Variants in FSTL4 observed in about 807,000 individuals in gnomAD.
FSTL4 encodes follistatin-related protein 4.
FSTL4 carries 28 observed loss-of-function variants against 78.2 expected under a neutral mutation model. That is an observed-to-expected ratio of 0.36 (90% confidence interval 0.27 to 0.49). The LOEUF is 0.49. FSTL4 is among the 20% of genes least tolerant of loss of function. The pLI, the probability that FSTL4 is intolerant of heterozygous loss-of-function variation, is 0.98. For synonymous variants in FSTL4, 422 were observed against 440.5 expected, an observed-to-expected ratio of 0.96 and a Z score of 0.53; for missense variants, 922 against 1,084.9, an observed-to-expected ratio of 0.85 and a Z score of 2.11.
intron 3 of FSTL4, among the ~76,000 whole-genome samples, chr5:133,405,060 G>A (rs1332367165): frequency 6.6e-6 from 1 of 152,182 alleles, no homozygotes; most frequent in Non-Finnish European, 1.5e-5. Context: ...TCTCCAGCTT[G>A]ACTATTGATG....
chr5:133,651,493 A>G, the FSTL4 span, among the ~76,000 whole-genome samples: 1 of 152,128 alleles, frequency 6.6e-6, no homozygotes, highest in South Asian at 2.1e-4. Flanking sequence ...ATCTACTGAT[A>G]TGATCATGTG....
intron 3 of FSTL4, among the ~76,000 whole-genome samples, chr5:133,447,505 G>C (rs966887020): frequency 6.6e-6 from 1 of 152,096 alleles, no homozygotes; most frequent in African/African-American, 2.4e-5. Flanking sequence ...CGAAACACAT[G>C]ATAAGCAACC....
At chr5:133,679,494 G>A in the FSTL4 span, among the ~76,000 whole-genome samples, 2 of 152,046 alleles carry the variant, frequency 1.3e-5, no homozygotes, top group Admixed American at 1.3e-4. Context: ...CCATTTCCTA[G>A]GAACCTGGGT....
At chr5:133,729,834 G>C in the FSTL4 span, among the ~76,000 whole-genome samples, 1 of 152,070 alleles carries the variant, frequency 6.6e-6, no homozygotes, top group Non-Finnish European at 1.5e-5. Flanking sequence ...CTGAGGAGAA[G>C]ATGCCAGGTT....
chr5:133,375,210 G>T (rs933839940), intron 4 of FSTL4, among the ~76,000 whole-genome samples: 8 of 143,852 alleles, frequency 5.6e-5, no homozygotes, highest in Non-Finnish European at 1.2e-4. Flanking sequence ...AGAAAACAAT[G>T]GTTTGACTTA....
intron 6 of FSTL4, among the ~76,000 whole-genome samples, chr5:133,285,089 C>T (rs1420175268): frequency 6.6e-6 from 1 of 152,216 alleles, no homozygotes; most frequent in East Asian, 1.9e-4. Context: ...CAAAACATGG[C>T]ATTGAGTCAA....
chr5:133,712,851 G>A, the FSTL4 span, among the ~76,000 whole-genome samples: 1 of 152,178 alleles, frequency 6.6e-6, no homozygotes, highest in Non-Finnish European at 1.5e-5. Flanking sequence ...GAGAGTGAAT[G>A]GCCGCCCAGC....
chr5:133,481,721 T>A (rs1208864579), intron 3 of FSTL4, among the ~76,000 whole-genome samples: 1 of 152,158 alleles, frequency 6.6e-6, no homozygotes, highest in Non-Finnish European at 1.5e-5. Context: ...AAGTCAGACA[T>A]AGACCCTACC....
the FSTL4 span, among the ~76,000 whole-genome samples, chr5:133,780,325 C>T: frequency 6.6e-6 from 1 of 152,158 alleles, no homozygotes; most frequent in South Asian, 2.1e-4. Flanking sequence ...CATCTCCTTG[C>T]ATGACTCATT....
At chr5:133,268,978 G>A (rs1335862582) in intron 6 of FSTL4, among the ~76,000 whole-genome samples, 1 of 151,906 alleles carries the variant, frequency 6.6e-6, no homozygotes, top group African/African-American at 2.4e-5. Flanking sequence ...TCAGGAGATC[G>A]AGACCATCCT....
At chr5:133,601,777 A>G (rs1223313710) in intron 2 of FSTL4, among the ~76,000 whole-genome samples, 1 of 149,000 alleles carries the variant, frequency 6.7e-6, no homozygotes, top group African/African-American at 2.5e-5. Context: ...TGACTTCCCC[A>G]GGCTCAGGTG....
At chr5:133,211,796 A>T (rs970125771) in intron 13 of FSTL4, among the ~76,000 whole-genome samples, 5 of 152,090 alleles carry the variant, frequency 3.3e-5, no homozygotes, top group South Asian at 2.1e-4. Flanking sequence ...CTGGAATGCC[A>T]TGGCTTCTAA....
the FSTL4 span, among the ~76,000 whole-genome samples, chr5:133,756,922 T>G: frequency 2.0e-5 from 3 of 152,148 alleles, no homozygotes; most frequent in African/African-American, 4.8e-5. Context: ...GAATCTACCA[T>G]GTACACAGGA....
intron 4 of FSTL4, among the ~76,000 whole-genome samples, chr5:133,364,185 C>G (rs1251782924): frequency 6.6e-6 from 1 of 152,200 alleles, no homozygotes; most frequent in Non-Finnish European, 1.5e-5. Context: ...GTTTCCAACA[C>G]TGCTCAGCAA....
chr5:133,545,502 A>G (rs868157927), intron 3 of FSTL4, among the ~76,000 whole-genome samples: 1 of 152,328 alleles, frequency 6.6e-6, no homozygotes, highest in Middle Eastern at 3.4e-3. Flanking sequence ...AGTCACCCAG[A>G]TGTGGCTGCC....
chr5:133,668,602 A>C, the FSTL4 span, among the ~76,000 whole-genome samples: 1 of 152,218 alleles, frequency 6.6e-6, no homozygotes, highest in Non-Finnish European at 1.5e-5. Flanking sequence ...GCCTTGTGCT[A>C]GACCTTCTGA....
At chr5:133,269,106 CG>C (rs1752705557) in intron 6 of FSTL4, among the ~76,000 whole-genome samples, 1 of 145,656 alleles carries the variant, frequency 6.9e-6, no homozygotes, top group Admixed American at 7.1e-5. Context: ...GGCGTGAACC[CG>C]GGAGGCGGAG....
intron 3 of FSTL4, among the ~76,000 whole-genome samples, chr5:133,564,448 G>T (rs1262584154): frequency 6.6e-6 from 1 of 152,164 alleles, no homozygotes; most frequent in Non-Finnish European, 1.5e-5. Flanking sequence ...ACTGGGAAGG[G>T]CCAGAATGAA....
At chr5:133,497,359 A>T (rs1347701165) in intron 3 of FSTL4, among the ~76,000 whole-genome samples, 1 of 152,230 alleles carries the variant, frequency 6.6e-6, no homozygotes, top group Non-Finnish European at 1.5e-5. Flanking sequence ...AGCCTATCTC[A>T]TAGAGGGGTT....
Sources: allele counts gnomAD v4.1 joint callset (sites outside exome capture counted in the v4.1 genomes callset), GRCh38; gene constraint gnomAD v4.1.1; transcripts MANE v1.5; gene names NCBI Gene and HGNC (gene_info 2026-07-23, HGNC 2026-07-21).